FLRT1: variants seen among roughly 807,000 people sequenced by gnomAD.
FLRT1 encodes the protein fibronectin leucine rich transmembrane protein 1.
In FLRT1, 14 loss-of-function variants were observed where a neutral mutation model predicts 30.9. The observed-to-expected ratio is 0.45, with a 90% confidence interval of 0.30 to 0.71. The LOEUF (loss-of-function observed/expected upper bound fraction) is 0.71, where lower values mean the gene tolerates loss of function less well. FLRT1 is among the 30% of genes least tolerant of loss of function. The pLI is 0.08. For missense variants in FLRT1, 737 were observed against 949.2 expected, an observed-to-expected ratio of 0.78 and a Z score of 2.94; for synonymous variants, 368 against 430.4, an observed-to-expected ratio of 0.85 and a Z score of 1.80.
chr11:64,044,196 C>A (rs12364184), intron 1 of FLRT1, among the ~76,000 whole-genome samples: 3 of 151,958 alleles, frequency 2.0e-5, no homozygotes, highest in African/African-American at 7.3e-5. Context: ...GCAATAGTAG[C>A]TGACATTTAT....
chr11:64,085,573 C>T (rs536754568), intron 1 of FLRT1, among the ~76,000 whole-genome samples: 8 of 152,316 alleles, frequency 5.3e-5, no homozygotes, highest in East Asian at 3.9e-4. Context: ...GCCGCCCGCC[C>T]GGGTCCACCC....
chr11:64,056,083 G>A, intron 1 of FLRT1, among the ~76,000 whole-genome samples: 1 of 152,216 alleles, frequency 6.6e-6, no homozygotes, highest in East Asian at 1.9e-4. Context: ...TCAGACAGGA[G>A]GAGGAAGGGA....
At chr11:64,077,481 A>G (rs1944223810) in intron 1 of FLRT1, among the ~76,000 whole-genome samples, 1 of 151,708 alleles carries the variant, frequency 6.6e-6, no homozygotes, top group Admixed American at 6.6e-5. Flanking sequence ...CTCAGGACCC[A>G]GGTACTGATG....
chr11:64,088,526 TCTCCTCTCAC>T (rs1208025985), intron 1 of FLRT1, among the ~76,000 whole-genome samples: 6 of 152,118 alleles, frequency 3.9e-5, no homozygotes, highest in African/African-American at 1.4e-4. Context: ...AGAGGCTGAC[TCTCCTCTCAC>T]CTGCAGGTGG....
At position 64,065,556 on chromosome 11, in the gene FLRT1, A is replaced by G. The variant is rs553839505; in HGVS notation, c.-1038+29397A>G. 9.5e-4 allele frequency among the ~76,000 whole-genome samples: 145 copies of G among 151,996 alleles called. No individual in the cohort carries two copies. In the Middle Eastern group the frequency reaches 0.017, roughly 18 times the overall value. The stretch of plus-strand genomic sequence containing the variant: ...TGTAATCCCAGCACTTTGGGAGGCC[A>G]AGGTGGGCGAATCACGAGGTCAGGA... On this transcript the variant is annotated intron_variant, in intron 1 of 2. Transcript: ENST00000682287.
rs1288806877 is a variant in FLRT1 at position 64,052,902 on chromosome 11, T to A, written c.-1038+16743T>A. Among the ~76,000 whole-genome samples the A allele has an allele frequency of 6.6e-5, 10 of 152,256 alleles. No individual in the cohort carries two copies. The East Asian group carries it at 1.9e-3, about 29-fold the overall frequency. On this transcript the variant is annotated intron_variant, in intron 1 of 2. Transcript: ENST00000682287. ...CCACCACTACTCCACCCAGCTACCC[T>A]CCAGATAGGCACAGTATGGCCAGGC... is the stretch of plus-strand genomic sequence containing the variant.
chr11:64,069,579 G>A (rs1944068178), intron 1 of FLRT1, among the ~76,000 whole-genome samples: 1 of 152,194 alleles, frequency 6.6e-6, no homozygotes, highest in African/African-American at 2.4e-5. Flanking sequence ...GCCCCTAGCT[G>A]TGGGGCCAGG....
intron 1 of FLRT1, among the ~76,000 whole-genome samples, chr11:64,047,924 G>A (rs987189418): frequency 2.0e-5 from 3 of 150,562 alleles, no homozygotes. Flanking sequence ...AAGGAAGGAA[G>A]CAGGAAAGCA....
intron 1 of FLRT1, among the ~76,000 whole-genome samples, chr11:64,037,810 C>T (rs553124101): frequency 5.3e-5 from 8 of 152,314 alleles, no homozygotes; most frequent in South Asian, 2.1e-4. Context: ...TCTGTGCATC[C>T]GCACTCTACC....
intron 1 of FLRT1, among the ~76,000 whole-genome samples, chr11:64,049,662 G>A (rs1182391450): frequency 1.3e-5 from 2 of 152,232 alleles, no homozygotes; most frequent in African/African-American, 2.4e-5. Flanking sequence ...GGTGGACGCT[G>A]GGGGTGCAGA....
chr11:64,037,092 G>A (rs1056303067), intron 1 of FLRT1, among the ~76,000 whole-genome samples: 7 of 152,272 alleles, frequency 4.6e-5, no homozygotes, highest in African/African-American at 1.7e-4. Flanking sequence ...CCAGGCCCCC[G>A]AGGCCCAAGC....
At chr11:64,066,056 G>A (rs954084455) in intron 1 of FLRT1, among the ~76,000 whole-genome samples, 6 of 152,208 alleles carry the variant, frequency 3.9e-5, no homozygotes, top group African/African-American at 1.2e-4. Flanking sequence ...AACACTTTGT[G>A]GGGGCTGAGG....
chr11:64,074,102 G>A (rs151336750), intron 1 of FLRT1, among the ~76,000 whole-genome samples: 78 of 152,318 alleles, frequency 5.1e-4, no homozygotes, highest in African/African-American at 1.8e-3. Context: ...TTCTGGCCTT[G>A]CCTCCTCTCA....
rs139438142 is a variant in FLRT1 at position 64,061,240 on chromosome 11, G to A, written c.-1038+25081G>A. On this transcript the variant is annotated intron_variant, in intron 1 of 2. Transcript: ENST00000682287. ...TAATAAATGCATTTGGAGTAATCTG[G>A]CGATCACGCGGTGTAATTGCTGGCT... 3.5e-3 allele frequency among the ~76,000 whole-genome samples: 528 copies of A among 152,366 alleles called. 5 individuals are homozygous for A. The highest frequency in any genetic ancestry group is 0.012 in the African/African-American group (514 of 41,582).
At chr11:64,079,473 G>A (rs754935672) in intron 1 of FLRT1, among the ~76,000 whole-genome samples, 4 of 152,168 alleles carry the variant, frequency 2.6e-5, no homozygotes, top group Non-Finnish European at 4.4e-5. Flanking sequence ...GGGCACGCAG[G>A]GGCAGGAATG....
At chr11:64,108,173 C>G (rs891727370) in intron 2 of FLRT1, among the ~76,000 whole-genome samples, 1 of 151,940 alleles carries the variant, frequency 6.6e-6, no homozygotes, top group Non-Finnish European at 1.5e-5. Context: ...ATTAGTGGGG[C>G]GTGGTGGTGC....
chr11:64,116,154 C>A, intron 2 of FLRT1, 65 bp from the exon 3 acceptor site: 2 of 1,446,752 alleles, frequency 1.4e-6, no homozygotes, highest in South Asian at 1.4e-5. Context: ...AGGGAATGCA[C>A]GATTCACTCC....
At chr11:64,058,753 T>C (rs1943840779) in intron 1 of FLRT1, among the ~76,000 whole-genome samples, 1 of 152,228 alleles carries the variant, frequency 6.6e-6, no homozygotes, top group African/African-American at 2.4e-5. Flanking sequence ...CAGCGGCAGC[T>C]TCTAGGGTGG....
At chr11:64,088,349 G>A (rs918752807) in intron 1 of FLRT1, among the ~76,000 whole-genome samples, 2 of 152,164 alleles carry the variant, frequency 1.3e-5, no homozygotes, top group African/African-American at 2.4e-5. Flanking sequence ...ATAGACCAGG[G>A]GGCAGTGGGG....
Sources: allele counts gnomAD v4.1 joint callset (sites outside exome capture counted in the v4.1 genomes callset), GRCh38; gene constraint gnomAD v4.1.1; transcripts MANE v1.5; gene names NCBI Gene and HGNC (gene_info 2026-07-23, HGNC 2026-07-21).